GPR176: variants seen among roughly 807,000 people sequenced by gnomAD.
GPR176 encodes G-protein coupled receptor 176.
GPR176 carries 26 observed loss-of-function variants against 35.4 expected under a neutral mutation model. That is an observed-to-expected ratio of 0.74 (90% CI 0.54 to 1.02). The LOEUF is 1.02. GPR176 is among the 50% of genes least tolerant of loss of function. The pLI is 0.00. For synonymous variants in GPR176, 278 were observed against 271.3 expected (o/e 1.02, Z -0.24); for missense variants, 597 against 665.3 (o/e 0.90, Z 1.13).
chr15:39,833,006 T>C (rs1367435902), intron 1 of GPR176, among the ~76,000 whole-genome samples: 1 of 152,204 alleles, frequency 6.6e-6, no homozygotes, highest in Non-Finnish European at 1.5e-5. Flanking sequence ...TAATTTCATC[T>C]GCACACTTAA....
chr15:39,840,273 ACATATACAC>A (rs1901659757), intron 1 of GPR176, among the ~76,000 whole-genome samples: 1 of 152,240 alleles, frequency 6.6e-6, no homozygotes, highest in Non-Finnish European at 1.5e-5. Flanking sequence ...AAAATGTGAT[ACATATACAC>A]CATGGAATTC....
chr15:39,876,835 A>G (rs1231432552), intron 1 of GPR176, among the ~76,000 whole-genome samples: 1 of 151,750 alleles, frequency 6.6e-6, no homozygotes, highest in Non-Finnish European at 1.5e-5. Flanking sequence ...AGAGAGAGAG[A>G]GGGAGAGAGG....
intron 1 of GPR176, among the ~76,000 whole-genome samples, chr15:39,905,972 G>T (rs2033410664): frequency 6.6e-6 from 1 of 152,148 alleles, no homozygotes; most frequent in African/African-American, 2.4e-5. Flanking sequence ...ACCACTGGGG[G>T]AAACTGGGTA....
At chr15:39,877,255 C>T (rs2032283974) in intron 1 of GPR176, among the ~76,000 whole-genome samples, 1 of 152,040 alleles carries the variant, frequency 6.6e-6, no homozygotes, top group South Asian at 2.1e-4. Flanking sequence ...AACACAAAAA[C>T]AAGATGGAGG....
At chr15:39,876,854 G>C (rs4410044) in intron 1 of GPR176, among the ~76,000 whole-genome samples, 40,276 of 151,658 alleles carry the variant, frequency 0.27, 5,964 homozygotes, top group Non-Finnish European at 0.34. Context: ...GGGAGGGAGG[G>C]AGAGAGAGAA....
At chr15:39,835,590 T>G (rs1358635907) in intron 1 of GPR176, among the ~76,000 whole-genome samples, 1 of 152,018 alleles carries the variant, frequency 6.6e-6, no homozygotes. Flanking sequence ...TCTCAGAGTC[T>G]AAGGTGGAAG....
chr15:39,898,033 C>T (rs1418491183), intron 1 of GPR176, among the ~76,000 whole-genome samples: 1 of 152,240 alleles, frequency 6.6e-6, no homozygotes, highest in African/African-American at 2.4e-5. Flanking sequence ...AAGTTATCAT[C>T]TGAAAACCTT....
At chr15:39,873,621 C>T (rs200094674) in intron 1 of GPR176, among the ~76,000 whole-genome samples, 5 of 141,824 alleles carry the variant, frequency 3.5e-5, no homozygotes, top group Non-Finnish European at 6.1e-5. Flanking sequence ...TTTTTCTTTT[C>T]TTTTTTTTTT....
At chr15:39,871,661 C>G (rs1271480489) in intron 1 of GPR176, among the ~76,000 whole-genome samples, 3 of 152,128 alleles carry the variant, frequency 2.0e-5, no homozygotes, top group Non-Finnish European at 2.9e-5. Flanking sequence ...AGTTCCTCAC[C>G]GCTGTATGGC....
intron 1 of GPR176, among the ~76,000 whole-genome samples, chr15:39,900,903 T>C (rs1305252639): frequency 6.6e-6 from 1 of 152,222 alleles, no homozygotes; most frequent in Non-Finnish European, 1.5e-5. Flanking sequence ...CTTCAGACAA[T>C]TCTATCATGT....
intron 1 of GPR176, among the ~76,000 whole-genome samples, chr15:39,840,865 T>C (rs1325817344): frequency 3.3e-5 from 5 of 152,204 alleles, no homozygotes; most frequent in African/African-American, 9.6e-5. Context: ...TATCCTATCA[T>C]TTAATGTGTG....
chr15:39,868,679 A>T (rs894380186), intron 1 of GPR176, among the ~76,000 whole-genome samples: 1 of 152,124 alleles, frequency 6.6e-6, no homozygotes. Context: ...TTTAAGAGAG[A>T]CATCTTTAAT....
intron 1 of GPR176, among the ~76,000 whole-genome samples, chr15:39,868,463 C>A (rs985012614): frequency 6.6e-6 from 1 of 152,104 alleles, no homozygotes; most frequent in African/African-American, 2.4e-5. Context: ...GTAAGACATA[C>A]AAATGAGATA....
chr15:39,894,620 T>C (rs1052408209), intron 1 of GPR176: 1,905 of 163,116 alleles, frequency 0.012, 48 homozygotes, highest in African/African-American at 0.045. Context: ...TCTCAGACGA[T>C]GGGCGGCCGG....
intron 1 of GPR176, among the ~76,000 whole-genome samples, chr15:39,866,539 G>A (rs1351935008): frequency 6.6e-6 from 1 of 152,042 alleles, no homozygotes; most frequent in Non-Finnish European, 1.5e-5. Context: ...TTCACTAGTA[G>A]GATTACTGTC....
At chr15:39,905,658 T>G (rs1294392474) in intron 1 of GPR176, among the ~76,000 whole-genome samples, 1 of 152,118 alleles carries the variant, frequency 6.6e-6, no homozygotes, top group African/African-American at 2.4e-5. Flanking sequence ...AACACAACAA[T>G]TTGGATTAAT....
intron 1 of GPR176, among the ~76,000 whole-genome samples, chr15:39,897,599 A>ATTT (rs386382791): frequency 0.06 from 5,343 of 88,332 alleles, 554 homozygotes; most frequent in Middle Eastern, 0.11. Context: ...ACATCCAAAT[A>ATTT]TTTTTTTTTT....
chr15:39,868,113 G>A (rs930856696), intron 1 of GPR176, among the ~76,000 whole-genome samples: 1 of 152,100 alleles, frequency 6.6e-6, no homozygotes, highest in African/African-American at 2.4e-5. Flanking sequence ...ATAGCTAAGT[G>A]CAAAGGGCAC....
intron 1 of GPR176, among the ~76,000 whole-genome samples, chr15:39,887,142 A>G (rs1383951615): frequency 6.6e-6 from 1 of 152,236 alleles, no homozygotes; most frequent in Admixed American, 6.5e-5. Context: ...TGCATCCCAG[A>G]AATGAATATT....
Sources: gnomAD v4.1 joint callset for allele counts (sites outside exome capture counted in the v4.1 genomes callset) on GRCh38, gnomAD v4.1.1 for gene constraint, MANE v1.5 for transcripts, NCBI Gene and HGNC (gene_info 2026-07-23, HGNC 2026-07-21) for gene names.